PATJ: variants seen among roughly 807,000 people sequenced by gnomAD.
PATJ encodes inaD-like protein.
PATJ carries 190 observed loss-of-function variants against 224.9 expected under a neutral mutation model. The ratio of observed to expected loss-of-function variants is 0.84; its 90% confidence interval spans 0.75 to 0.95. The LOEUF (loss-of-function observed/expected upper bound fraction) is 0.95. Ranked by LOEUF, PATJ falls within the 40% of genes least tolerant of loss-of-function variation. PATJ has a pLI of 0.00. For missense variants in PATJ, 2,121 were observed against 2,270.3 expected (o/e 0.93, Z 1.34); for synonymous variants, 769 against 820.3 (o/e 0.94, Z 1.07).
intron 29 of PATJ, among the ~76,000 whole-genome samples, chr1:62,023,881 G>A (rs1647268438): frequency 6.6e-6 from 1 of 152,138 alleles, no homozygotes; most frequent in Non-Finnish European, 1.5e-5. Flanking sequence ...TTAATGCATA[G>A]TCTGTTGAGG....
chr1:61,961,980 AAAAAAG>A (rs1393849954), intron 27 of PATJ, among the ~76,000 whole-genome samples: 13 of 151,302 alleles, frequency 8.6e-5, no homozygotes, highest in East Asian at 5.8e-4. Flanking sequence ...AGAAAAAAAA[AAAAAAG>A]AAAGAAAAGA....
intron 14 of PATJ, chr1:61,816,570 G>A (rs1272046219): frequency 2.6e-5 from 4 of 151,998 alleles, no homozygotes; most frequent in Non-Finnish European, 5.9e-5. Context: ...AACAAATCAA[G>A]GGTTATCTGG....
chr1:62,116,774 A>G (rs1250600910), intron 36 of PATJ, 95 bp downstream of exon 36: 9 of 1,181,354 alleles, frequency 7.6e-6, no homozygotes, highest in South Asian at 6.6e-5. Context: ...GTTGGATTTT[A>G]TACTAACTCT....
intron 41 of PATJ, among the ~76,000 whole-genome samples, chr1:62,139,390 A>C (rs1667263849): frequency 2.5e-5 from 3 of 120,612 alleles, no homozygotes; most frequent in Admixed American, 1.1e-4. Context: ...ACACAGCGAG[A>C]CTCCATCTCA....
rs149933182 is a variant in PATJ, at chr1:62,037,927, G to A, written c.3960-50G>A. On this transcript the variant is annotated intron_variant, in intron 29 of 43. Transcript: ENST00000642238. ...AGGAAGTATTTATAATTTGAGCCAG[G>A]AACTTAGCATTTACTGTGTACTGAT... is the stretch of plus-strand genomic sequence containing the variant. The A allele has an allele frequency of 1.9e-4, 222 of 1,161,900 alleles. No homozygotes were observed. In the African/African-American group the frequency reaches 3.1e-3, roughly 16 times the overall value. The allele number at this position is 1,161,900 out of a possible 1,614,324, so 72.0% of individuals were successfully genotyped here. A position where few individuals can be genotyped will look rare whatever the true frequency, so the allele number is the denominator to read the frequency against.
At chr1:62,140,872 G>A (rs1180524210) in intron 41 of PATJ, among the ~76,000 whole-genome samples, 1 of 151,838 alleles carries the variant, frequency 6.6e-6, no homozygotes, top group Admixed American at 6.6e-5. Flanking sequence ...TCGCACCACT[G>A]CACTCCACCC....
chr1:62,118,082 A>G (rs1182641025), intron 37 of PATJ, among the ~76,000 whole-genome samples: 2 of 152,220 alleles, frequency 1.3e-5, no homozygotes, highest in African/African-American at 4.8e-5. Flanking sequence ...GGTGTTAAAA[A>G]ATGAGTGAGG....
chr1:62,125,264 CAAAAAAAA>C (rs1284483252), intron 39 of PATJ, among the ~76,000 whole-genome samples: 2 of 64,198 alleles, frequency 3.1e-5, no homozygotes, highest in African/African-American at 1.2e-4. Flanking sequence ...CAAAAAAAAA[CAAAAAAAA>C]AACGCCATTA....
chr1:61,971,097 A>T (rs958170196), intron 27 of PATJ, among the ~76,000 whole-genome samples: 2 of 152,172 alleles, frequency 1.3e-5, no homozygotes, highest in African/African-American at 4.8e-5. Flanking sequence ...ATCATCTTAC[A>T]AATTCTGTGA....
rs779069781 is a variant in PATJ, at chr1:62,158,142, G to A, written c.5503-2766G>A. On this transcript the variant is annotated intron_variant, in intron 43 of 43. Transcript: ENST00000642238. ...TCTGAGAAGACTAAGTGACCAACTTGGGACAAATAGCAAGTGAGTAAAGAG... is the reference window on the plus strand; with the variant it reads ...TCTGAGAAGACTAAGTGACCAACTTAGGACAAATAGCAAGTGAGTAAAGAG... Among the ~76,000 whole-genome samples, 4 of 149,498 alleles carry A rather than the reference G, an allele frequency of 2.7e-5. 1 individual carries two copies. The highest frequency in any genetic ancestry group is 1.4e-4 in the Admixed American group (2 of 14,310).
At chr1:61,992,550 T>A (rs1645131528) in intron 28 of PATJ, among the ~76,000 whole-genome samples, 2 of 152,342 alleles carry the variant, frequency 1.3e-5, no homozygotes, top group South Asian at 2.1e-4. Context: ...AGAGATTTCC[T>A]GTCTTGCTTG....
intron 27 of PATJ, among the ~76,000 whole-genome samples, chr1:61,956,346 T>G (rs932590821): frequency 1.3e-5 from 2 of 152,212 alleles, no homozygotes; most frequent in East Asian, 3.8e-4. Flanking sequence ...AAGATGGAAA[T>G]GTACGAGCAT....
intron 32 of PATJ, among the ~76,000 whole-genome samples, 189 bp downstream of exon 32, chr1:62,079,756 G>A (rs552592935): frequency 3.0e-4 from 46 of 152,210 alleles, no homozygotes; most frequent in African/African-American, 9.6e-4. Context: ...CTCTGCCATC[G>A]CCATTGCCTG....
chr1:61,889,885 G>A (rs1357668162), intron 22 of PATJ, among the ~76,000 whole-genome samples: 2 of 152,248 alleles, frequency 1.3e-5, no homozygotes, highest in Non-Finnish European at 2.9e-5. Context: ...CCTTAGCTGA[G>A]TGGAGGGGAC....
chr1:61,899,513 A>C, intron 22 of PATJ, 70 bp from the exon 23 acceptor site: 1 of 1,034,468 alleles, frequency 9.7e-7, no homozygotes, highest in Non-Finnish European at 1.4e-6. Flanking sequence ...CAATTTCAAA[A>C]CCTTCCAAGG....
intron 16 of PATJ, among the ~76,000 whole-genome samples, chr1:61,829,284 ACT>A (rs1658893187): frequency 6.6e-6 from 1 of 151,902 alleles, no homozygotes; most frequent in Non-Finnish European, 1.5e-5. Flanking sequence ...TTATTGGTTG[ACT>A]CTTTTTTAAA....
intron 29 of PATJ, among the ~76,000 whole-genome samples, chr1:62,026,357 T>A (rs1465656205): frequency 6.6e-6 from 1 of 152,178 alleles, no homozygotes; most frequent in African/African-American, 2.4e-5. Flanking sequence ...AGTATAGAGA[T>A]TACTTTTTAC....
At chr1:62,124,116 C>T (rs1053957645) in intron 39 of PATJ, among the ~76,000 whole-genome samples, 1 of 151,698 alleles carries the variant, frequency 6.6e-6, no homozygotes, top group Admixed American at 6.6e-5. Context: ...ATGGAGTCAC[C>T]GTGTTGCCCA....
chr1:62,062,392 C>CTTTTTTTTGTTTTTTTTTT (rs1655642297), intron 31 of PATJ, among the ~76,000 whole-genome samples: 1 of 28,458 alleles, frequency 3.5e-5, no homozygotes, highest in Non-Finnish European at 5.9e-5. Flanking sequence ...ATGTTGTCTT[C>CTTTTTTTTGTTTTTTTTTT]TTTTTTTTTT....
Sources: gnomAD v4.1 joint callset for allele counts (sites outside exome capture counted in the v4.1 genomes callset) on GRCh38, gnomAD v4.1.1 for gene constraint, MANE v1.5 for transcripts, NCBI Gene and HGNC (gene_info 2026-07-23, HGNC 2026-07-21) for gene names.